Variants in CPLX2 observed in about 807,000 individuals in gnomAD.
The protein encoded by CPLX2 is complexin 2, also known as complexin-2.
CPLX2 carries 5 observed loss-of-function variants against 16.3 expected under a neutral mutation model. The ratio of observed to expected loss-of-function variants is 0.31; its 90% CI spans 0.16 to 0.64. The LOEUF (loss-of-function observed/expected upper bound fraction) is 0.64, where lower values mean the gene tolerates loss of function less well. Among genes scored for constraint, CPLX2 ranks in the 30% least tolerant of loss-of-function variants. The probability of loss-of-function intolerance (pLI) is 0.79; values close to 1 mark genes in which losing one functional copy is unlikely to be tolerated. For missense variants in CPLX2, 144 were observed against 181.4 expected, an observed-to-expected ratio of 0.79 and a Z score of 1.18; for synonymous variants, 89 against 73.2, an observed-to-expected ratio of 1.22 and a Z score of -1.10.
At chr5:175,854,165 G>C (rs901762596) in intron 2 of CPLX2, among the ~76,000 whole-genome samples, 1 of 152,134 alleles carries the variant, frequency 6.6e-6, no homozygotes, top group African/African-American at 2.4e-5. Context: ...TCCTTGTCCT[G>C]AGGCCCCCAC....
At position 175,862,263 on chromosome 5, in the gene CPLX2, G is replaced by A. The variant is rs1452963929; in HGVS notation, c.-88-16389G>A. On this transcript the variant is annotated intron_variant, in intron 2 of 4. Coordinates refer to the CPLX2 transcript ENST00000359546. ...CCATCCTCCAAGAGCTCACAATCTAGTAGGGAAGTCAGCCAAGAAAGCAAC... is the reference window on the plus strand; with the variant it reads ...CCATCCTCCAAGAGCTCACAATCTAATAGGGAAGTCAGCCAAGAAAGCAAC... Among the ~76,000 whole-genome samples the A allele has an allele frequency of 2.0e-5, 3 of 152,336 alleles. No individual in the cohort carries two copies. In the East Asian group the frequency reaches 5.8e-4, roughly 29 times the overall value.
chr5:175,849,973 C>T lies in CPLX2; in HGVS notation c.-88-28679C>T, dbSNP rs1345010442. Among the ~76,000 whole-genome samples, 2 of 152,186 alleles carry T rather than the reference C, an allele frequency of 1.3e-5. No homozygotes were observed. The highest frequency in any genetic ancestry group is 3.9e-4 in the East Asian group (2 of 5,182). ...GGGTACCATCTGTTTCCCACTGAAT[C>T]AGGGGCTCCCTGTGCTCCAAAGGAG... is the stretch of plus-strand genomic sequence containing the variant. On this transcript the variant is annotated intron_variant, in intron 2 of 4. Coordinates refer to the CPLX2 transcript ENST00000359546. The surrounding 1 kb of genome is among the most constrained non-coding windows in gnomAD (Gnocchi z 4.4).
intron 1 of CPLX2, chr5:175,873,035 T>G (rs1250214080): frequency 1.3e-5 from 2 of 150,256 alleles, no homozygotes; most frequent in Non-Finnish European, 3.0e-5. Context: ...GGAAACCTGG[T>G]GCTACGACGG....
chr5:175,826,942 G>T (rs1758626083), intron 2 of CPLX2, among the ~76,000 whole-genome samples: 1 of 152,228 alleles, frequency 6.6e-6, no homozygotes, highest in African/African-American at 2.4e-5. Flanking sequence ...CCTACAGTTG[G>T]ATCACGCAGC....
chr5:175,859,935 A>C (rs1343266064), intron 2 of CPLX2, among the ~76,000 whole-genome samples: 1 of 152,262 alleles, frequency 6.6e-6, no homozygotes, highest in East Asian at 1.9e-4. Flanking sequence ...GGTCCCTTCC[A>C]GGTGGCCGAG....
upstream of CPLX2, among the ~76,000 whole-genome samples, chr5:175,868,069 G>A (rs1021296058): frequency 1.3e-5 from 2 of 152,226 alleles, no homozygotes; most frequent in African/African-American, 4.8e-5. Flanking sequence ...ATGACAGGAT[G>A]TGAAGCCAGT....
Position 175,839,877 on chromosome 5 carries a change from C to T in CPLX2, c.-89+30809C>T, listed in dbSNP as rs374881373. On this transcript the variant is annotated intron_variant, in intron 2 of 4. Coordinates refer to the CPLX2 transcript ENST00000359546. ...AGGACATCCAATTATATATAAATCT[C>T]TGGACTATTACATTCAAACTCATTT... is the stretch of plus-strand genomic sequence containing the variant. 1.1e-3 allele frequency among the ~76,000 whole-genome samples: 172 copies of T among 152,326 alleles called. 1 individual carries two copies. The highest frequency in any genetic ancestry group is 3.9e-3 in the African/African-American group (162 of 41,570).
chr5:175,835,185 A>G (rs1401082618), intron 2 of CPLX2, among the ~76,000 whole-genome samples: 1 of 152,260 alleles, frequency 6.6e-6, no homozygotes, highest in Non-Finnish European at 1.5e-5. Flanking sequence ...ACACCATCAC[A>G]TACGTTTAGA....
At chr5:175,829,034 T>A (rs917138938) in intron 2 of CPLX2, among the ~76,000 whole-genome samples, 6 of 152,010 alleles carry the variant, frequency 3.9e-5, no homozygotes, top group African/African-American at 1.5e-4. Context: ...CATCTCCCTG[T>A]CCCCATTATT....
chr5:175,826,208 T>C (rs1354286166), intron 2 of CPLX2, among the ~76,000 whole-genome samples: 2 of 152,050 alleles, frequency 1.3e-5, no homozygotes, highest in Non-Finnish European at 2.9e-5. Flanking sequence ...TGAGGTGAGC[T>C]TCTCAGAAGA....
chr5:175,833,414 G>A (rs1042858426), intron 2 of CPLX2, among the ~76,000 whole-genome samples: 1 of 152,126 alleles, frequency 6.6e-6, no homozygotes, highest in Non-Finnish European at 1.5e-5. Context: ...GGCCTCTAGG[G>A]TGCTCAAGTC....
Position 175,865,072 on chromosome 5 carries a change from G to A in CPLX2, c.-88-13580G>A, listed in dbSNP as rs372378420. Among the ~76,000 whole-genome samples, 6 of 112,678 alleles carry A rather than the reference G, an allele frequency of 5.3e-5. 1 individual carries two copies. Among genetic ancestry groups the A allele is most frequent in the African/African-American group, 2.1e-4 (6 of 28,490 alleles). 73.9% of individuals were successfully genotyped at this position (112,678 alleles called of 152,430 possible). ...CCCTCCCCCAACCACATACTCACAT[G>A]CACGCATGTGCGCGCGCGCACACAC... On this transcript the variant is annotated intron_variant, in intron 2 of 4. Transcript: ENST00000359546.
intron 1 of CPLX2, among the ~76,000 whole-genome samples, chr5:175,875,791 G>C (rs1759742883): frequency 6.6e-6 from 1 of 152,138 alleles, no homozygotes; most frequent in Non-Finnish European, 1.5e-5. Flanking sequence ...GGTCCATGCT[G>C]GGATCAGGCA....
intron 1 of CPLX2, chr5:175,873,018 A>T (rs1232361533): frequency 1.3e-5 from 2 of 150,686 alleles, no homozygotes; most frequent in Non-Finnish European, 3.0e-5. Context: ...CGGCGCACTG[A>T]AGGTACGGAA....
chr5:175,868,079 T>C (rs368333506), upstream of CPLX2, among the ~76,000 whole-genome samples: 27 of 152,200 alleles, frequency 1.8e-4, no homozygotes, highest in African/African-American at 6.0e-4. Flanking sequence ...GTGAAGCCAG[T>C]GTCTGGAGCA....
intron 2 of CPLX2, among the ~76,000 whole-genome samples, chr5:175,866,261 C>T (rs1759474868): frequency 6.6e-6 from 1 of 152,118 alleles, no homozygotes; most frequent in Non-Finnish European, 1.5e-5. Context: ...TAGGGAGAGG[C>T]CATCAGAGAA....
intron 2 of CPLX2, among the ~76,000 whole-genome samples, chr5:175,814,220 C>T (rs911192250): frequency 2.0e-5 from 3 of 152,120 alleles, no homozygotes; most frequent in South Asian, 2.1e-4. Flanking sequence ...CCACAGCCTC[C>T]GGGGCAGTCC....
chr5:175,841,312 CAGA>C (rs1758939283), intron 2 of CPLX2, among the ~76,000 whole-genome samples: 1 of 152,326 alleles, frequency 6.6e-6, no homozygotes, highest in East Asian at 1.9e-4. Flanking sequence ...CATGCCCACA[CAGA>C]AGGGCAGTTT....
intron 2 of CPLX2, among the ~76,000 whole-genome samples, chr5:175,835,459 G>T (rs1332354125): frequency 2.0e-5 from 3 of 152,164 alleles, no homozygotes; most frequent in South Asian, 2.1e-4. Context: ...ATTTTAAGAG[G>T]CCAGGTAAAT....
Sources: gnomAD v4.1 joint callset for allele counts (sites outside exome capture counted in the v4.1 genomes callset) on GRCh38, gnomAD v4.1.1 for gene constraint, Gnocchi (gnomAD v3.1) non-coding constraint, MANE v1.5 for transcripts, NCBI Gene and HGNC (gene_info 2026-07-23, HGNC 2026-07-21) for gene names.